The following EPB41L5 variants were observed in gnomAD, a reference collection of about 807,000 sequenced individuals.
EPB41L5 encodes band 4.1-like protein 5.
In EPB41L5, 55 loss-of-function variants were observed where a neutral mutation model predicts 106.6. The observed-to-expected ratio is 0.52, with a 90% confidence interval of 0.42 to 0.65. The LOEUF (loss-of-function observed/expected upper bound fraction) is 0.65. Ranked by LOEUF, EPB41L5 falls within the 30% of genes least tolerant of loss-of-function variation. EPB41L5 has a pLI of 0.00. For synonymous variants in EPB41L5, 297 were observed against 306.7 expected (o/e 0.97, Z 0.33); for missense variants, 871 against 882.1 (o/e 0.99, Z 0.16).
intron 2 of EPB41L5, among the ~76,000 whole-genome samples, chr2:120,037,094 G>GA (rs1318016968): frequency 6.6e-6 from 1 of 151,514 alleles, no homozygotes; most frequent in African/African-American, 2.4e-5. Context: ...GATTTTGCAG[G>GA]AAAAAAAAAC....
chr2:120,056,863 T>C (rs2105267422), intron 3 of EPB41L5, among the ~76,000 whole-genome samples: 1 of 152,276 alleles, frequency 6.6e-6, no homozygotes, highest in South Asian at 2.1e-4. Flanking sequence ...GATTATTGAC[T>C]CATTCCTTTA....
chr2:120,124,544 C>G (rs142623090), intron 16 of EPB41L5, among the ~76,000 whole-genome samples: 136 of 152,238 alleles, frequency 8.9e-4, no homozygotes, highest in Non-Finnish European at 1.6e-3. Flanking sequence ...TACTTCATTC[C>G]TATGTACTTT....
chr2:120,015,473 G>C (rs1380708750), intron 1 of EPB41L5, among the ~76,000 whole-genome samples: 2 of 152,024 alleles, frequency 1.3e-5, no homozygotes, highest in Non-Finnish European at 2.9e-5. Context: ...TGTGACTTCT[G>C]ACATGCCCCT....
In EPB41L5 at chr2:120,175,200, C is replaced by T. The variant is rs1179502216; in HGVS notation, c.*293C>T. The T allele has an allele frequency of 2.7e-6, 1 of 370,526 alleles. No homozygotes were observed. Among genetic ancestry groups the T allele is most frequent in the Admixed American group, 3.7e-5 (1 of 27,346 alleles). The allele number at this position is 370,526 out of a possible 1,614,324, so 23.0% of individuals were successfully genotyped here. ...CTTTTTCTGGGGTTTCCTTCAAACT[C>T]TTGGCTCCACCTAGCGGTTCTATTT... On this transcript the variant is annotated 3_prime_UTR_variant, in exon 25 of 25. Coordinates refer to ENST00000263713, the MANE Select transcript of EPB41L5 (RefSeq NM_020909.4).
intron 16 of EPB41L5, chr2:120,104,790 C>G: frequency 1.1e-6 from 1 of 915,768 alleles, no homozygotes; most frequent in Non-Finnish European, 1.3e-6. Context: ...AACACTTTTA[C>G]TTTTTAATAA....
At chr2:120,040,398 A>C (rs766439340) in intron 2 of EPB41L5, among the ~76,000 whole-genome samples, 2 of 152,304 alleles carry the variant, frequency 1.3e-5, no homozygotes, top group East Asian at 1.9e-4. Context: ...TAATGGAATA[A>C]ATTTTTTTTG....
At chr2:120,125,649 A>G (rs898324754) in intron 16 of EPB41L5, among the ~76,000 whole-genome samples, 2 of 152,164 alleles carry the variant, frequency 1.3e-5, no homozygotes, top group African/African-American at 4.8e-5. Flanking sequence ...AGTAAGGAGA[A>G]GAGTCACAGT....
intron 3 of EPB41L5, among the ~76,000 whole-genome samples, chr2:120,068,445 A>G (rs1681605771): frequency 6.6e-6 from 1 of 152,166 alleles, no homozygotes; most frequent in Admixed American, 6.5e-5. Context: ...CCAGCAAGCT[A>G]AGATCCACTA....
At chr2:120,114,789 T>C (rs1049286653) in intron 16 of EPB41L5, among the ~76,000 whole-genome samples, 3 of 152,368 alleles carry the variant, frequency 2.0e-5, no homozygotes, top group African/African-American at 7.2e-5. Context: ...ATTCTGTGTA[T>C]GCCTGTTCAG....
chr2:120,167,449 A>C lies in EPB41L5; in HGVS notation c.1963-17A>C, dbSNP rs1380309134. The C allele has an allele frequency of 1.2e-6, 2 of 1,605,768 alleles. No individual in the cohort carries two copies. Among genetic ancestry groups the C allele is most frequent in the African/African-American group, 1.3e-5 (1 of 74,766 alleles). On this transcript the variant is annotated splice_polypyrimidine_tract_variant and intron_variant, in intron 22 of 24. Transcript: ENST00000263713. ...GTCTTTCCAAAAAGTAAATACATAC[A>C]TATAAAATTATTTCAGGTGTCTTCC...
chr2:120,127,689 A>T lies in EPB41L5; in HGVS notation c.1339A>T (p.Ile447Phe), dbSNP rs772108680. 6.3e-7 allele frequency: 1 copy of T among 1,586,532 alleles called. No homozygotes were observed. Among genetic ancestry groups the T allele is most frequent in the South Asian group, 1.2e-5 (1 of 85,926 alleles). Residue 447 changes from isoleucine to phenylalanine, a missense_variant and splice_region_variant, in exon 17 of 25, where the codon ATT becomes TTT. By Grantham distance (21) the Ile-to-Phe change is conservative (BLOSUM62 0). Transcript: ENST00000263713. ...GTAAATTTTCTATTTCCATTGCAGC[A>T]TTCCTCTGAATATTGATTTGCTGAA... ...PGTDQHDRKCIPLNIDLLNSP... is the reference protein window; with the variant it reads ...PGTDQHDRKCFPLNIDLLNSP...
At chr2:120,051,626 C>G (rs1012973038) in intron 3 of EPB41L5, among the ~76,000 whole-genome samples, 5 of 152,232 alleles carry the variant, frequency 3.3e-5, no homozygotes, top group Non-Finnish European at 1.5e-5. Flanking sequence ...AGGGAATTCC[C>G]TGACTCCTTG....
chr2:120,124,755 C>CAGTT (rs1685384444), intron 16 of EPB41L5, among the ~76,000 whole-genome samples: 1 of 152,072 alleles, frequency 6.6e-6, no homozygotes. Flanking sequence ...TAATCATGAA[C>CAGTT]AGTTCCCCCA....
chr2:120,079,201 A>T (rs1326197810), intron 10 of EPB41L5, among the ~76,000 whole-genome samples: 1 of 152,146 alleles, frequency 6.6e-6, no homozygotes, highest in South Asian at 2.1e-4. Flanking sequence ...CTAGACAGGG[A>T]CTGTTAGCGC....
At chr2:120,014,581 A>C (rs995795151) in intron 1 of EPB41L5, among the ~76,000 whole-genome samples, 4 of 152,262 alleles carry the variant, frequency 2.6e-5, no homozygotes, top group Non-Finnish European at 5.9e-5. Context: ...ATTTAGACTC[A>C]CAAGTCTGAG....
intron 14 of EPB41L5, among the ~76,000 whole-genome samples, chr2:120,099,482 C>T (rs1273788529): frequency 6.6e-6 from 1 of 151,586 alleles, no homozygotes; most frequent in Non-Finnish European, 1.5e-5. Context: ...GGCCGGAGTG[C>T]AGTGGCACGA....
At chr2:120,100,393 A>G in intron 15 of EPB41L5, 107 bp downstream of exon 15, 1 of 1,033,894 alleles carries the variant, frequency 9.7e-7, no homozygotes, top group South Asian at 1.5e-5. Context: ...TGCACAAATT[A>G]TGTGCATTTT....
At chr2:120,133,028 AAAG>A (rs1217050190) in intron 18 of EPB41L5, among the ~76,000 whole-genome samples, 3 of 152,194 alleles carry the variant, frequency 2.0e-5, no homozygotes, top group Non-Finnish European at 4.4e-5. Context: ...GAAGCCTTGA[AAAG>A]ATGAGGAGGA....
chr2:120,053,766 A>G (rs1480620590), intron 3 of EPB41L5, among the ~76,000 whole-genome samples: 1 of 152,142 alleles, frequency 6.6e-6, no homozygotes, highest in Non-Finnish European at 1.5e-5. Context: ...TTTGGCTGTT[A>G]TGAATAATGC....
Sources: gnomAD v4.1 joint callset for allele counts (sites outside exome capture counted in the v4.1 genomes callset) on GRCh38, gnomAD v4.1.1 for gene constraint, MANE v1.5 for transcripts, NCBI Gene and HGNC (gene_info 2026-07-23, HGNC 2026-07-21) for gene names.